COG3: variants seen among roughly 807,000 people sequenced by gnomAD.
COG3 encodes component of oligomeric golgi complex 3.
COG3 carries 32 observed loss-of-function variants against 114.1 expected under a neutral mutation model. The ratio of observed to expected loss-of-function variants is 0.28; its 90% confidence interval spans 0.21 to 0.38. The LOEUF (loss-of-function observed/expected upper bound fraction) is 0.38, where lower values mean the gene tolerates loss of function less well. Ranked by LOEUF, COG3 falls within the 10% of genes least tolerant of loss-of-function variation. The pLI is 1.00. For synonymous variants in COG3, 352 were observed against 365.7 expected, an observed-to-expected ratio of 0.96 and a Z score of 0.43; for missense variants, 813 against 973.2, an observed-to-expected ratio of 0.84 and a Z score of 2.19.
intron 2 of COG3, among the ~76,000 whole-genome samples, 181 bp from the exon 3 acceptor site, chr13:45,478,824 A>G (rs1316741768): frequency 2.6e-5 from 4 of 152,184 alleles, no homozygotes; most frequent in African/African-American, 9.7e-5. Context: ...TGCTTTTCCT[A>G]GCATATGGGT....
In COG3 at chr13:45,535,423, A is replaced by G; in HGVS notation, c.*692A>G. On this transcript the variant is annotated 3_prime_UTR_variant, in exon 23 of 23. Coordinates refer to ENST00000349995, the MANE Select transcript of COG3 (RefSeq NM_031431.4). ...AGCAAGGAGCTGCAGCATTCTCATC[A>G]TAGATACGTGCAGTATCTTTAATGA... 2.0e-6 allele frequency: 2 copies of G among 985,456 alleles called. No individual in the cohort carries two copies. The highest frequency in any genetic ancestry group is 2.3e-4 in the East Asian group (2 of 8,824). The allele number at this position is 985,456 out of a possible 1,614,324, so 61.0% of individuals were successfully genotyped here. A position where few individuals can be genotyped will look rare whatever the true frequency, so the allele number is the denominator to read the frequency against.
intron 12 of COG3, among the ~76,000 whole-genome samples, chr13:45,494,795 G>A (rs932364196): frequency 1.3e-5 from 2 of 152,000 alleles, no homozygotes; most frequent in South Asian, 4.1e-4. Context: ...CAAAGTGCTG[G>A]GATTACAGGT....
chr13:45,521,784 C>A (rs1872171940), intron 19 of COG3, among the ~76,000 whole-genome samples: 1 of 149,684 alleles, frequency 6.7e-6, no homozygotes, highest in Non-Finnish European at 1.5e-5. Flanking sequence ...GAATCTCATG[C>A]CTCTTTTATT....
intron 20 of COG3, among the ~76,000 whole-genome samples, chr13:45,528,761 G>C (rs749874329): frequency 6.6e-6 from 1 of 152,066 alleles, no homozygotes; most frequent in Non-Finnish European, 1.5e-5. Flanking sequence ...TGGATGCATC[G>C]AATACATCAC....
Position 45,534,815 on chromosome 13 carries a change from TC to T in COG3, c.*85del. ...TTGCAGTCTGCAGGACACCGAGGAA[TC>T]GTATGTGGGAACGTCCCCGAGAACC... On this transcript the variant is annotated 3_prime_UTR_variant, in exon 23 of 23. Coordinates refer to ENST00000349995, the MANE Select transcript of COG3 (RefSeq NM_031431.4). The T allele has an allele frequency of 6.8e-7, 1 of 1,470,332 alleles. No homozygotes were observed. The highest frequency in any genetic ancestry group is 9.0e-7 in the Non-Finnish European group (1 of 1,112,876). 91.1% of individuals were successfully genotyped at this position (1,470,332 alleles called of 1,614,324 possible).
chr13:45,486,084 C>A (rs113074877), intron 7 of COG3, among the ~76,000 whole-genome samples: 14 of 124,930 alleles, frequency 1.1e-4, no homozygotes, highest in African/African-American at 5.0e-4. Context: ...CCGAGGTTGG[C>A]GGATCACTCG....
Position 45,535,886 on chromosome 13 carries a change from A to G in COG3, c.*1155A>G, listed in dbSNP as rs183343022. The G allele has an allele frequency of 1.0e-6, 1 of 987,554 alleles. No individual in the cohort carries two copies. The highest frequency in any genetic ancestry group is 1.7e-5 in the African/African-American group (1 of 57,420). 61.2% of individuals were successfully genotyped at this position (987,554 alleles called of 1,614,324 possible). On this transcript the variant is annotated 3_prime_UTR_variant, in exon 23 of 23. Coordinates refer to ENST00000349995, the MANE Select transcript of COG3 (RefSeq NM_031431.4). ...GCAGCCAGCTTCTTAGTTCAAAAAG[A>G]ATTCTGAGTTTTTCAAACACTAGTC...
At chr13:45,474,094 C>A (rs1183257655) in intron 1 of COG3, among the ~76,000 whole-genome samples, 2 of 151,660 alleles carry the variant, frequency 1.3e-5, no homozygotes, top group East Asian at 3.9e-4. Flanking sequence ...ACTTTGTCTG[C>A]AGCTTTCCAG....
At chr13:45,482,233 A>C in intron 5 of COG3, 148 bp from the exon 6 acceptor site, 1 of 515,240 alleles carries the variant, frequency 1.9e-6, no homozygotes, top group Non-Finnish European at 3.4e-6. Context: ...CATGTGGGCT[A>C]CATTCGAGGA....
chr13:45,528,471 C>G (rs1015040847), intron 20 of COG3, among the ~76,000 whole-genome samples: 1 of 152,158 alleles, frequency 6.6e-6, no homozygotes, highest in Non-Finnish European at 1.5e-5. Context: ...TACTACAACC[C>G]TCCTCAATTA....
chr13:45,474,451 CG>C (rs1299766709), intron 1 of COG3, among the ~76,000 whole-genome samples: 1 of 152,052 alleles, frequency 6.6e-6, no homozygotes, highest in African/African-American at 2.4e-5. Flanking sequence ...CGTGAGCCAC[CG>C]TGCCTGGCCT....
intron 20 of COG3, among the ~76,000 whole-genome samples, chr13:45,529,030 T>A (rs1872939246): frequency 6.6e-6 from 1 of 152,232 alleles, no homozygotes; most frequent in Non-Finnish European, 1.5e-5. Flanking sequence ...TGCCTGTTTC[T>A]CCATACCCTC....
intron 13 of COG3, among the ~76,000 whole-genome samples, chr13:45,498,962 C>T (rs1442694292): frequency 6.6e-6 from 1 of 152,106 alleles, no homozygotes; most frequent in African/African-American, 2.4e-5. Flanking sequence ...ACATTCCTTG[C>T]TCCAGACCTA....
intron 16 of COG3, among the ~76,000 whole-genome samples, chr13:45,512,378 C>G (rs1408500270): frequency 1.3e-5 from 2 of 152,136 alleles, no homozygotes; most frequent in Non-Finnish European, 2.9e-5. Flanking sequence ...GTCTCCCTGG[C>G]TGAAGTGCAG....
chr13:45,505,781 A>G (rs1005031329), intron 14 of COG3, among the ~76,000 whole-genome samples: 9 of 151,984 alleles, frequency 5.9e-5, no homozygotes, highest in African/African-American at 1.9e-4. Context: ...TTTAATAGAC[A>G]TGGAGTCTCG....
intron 22 of COG3, among the ~76,000 whole-genome samples, chr13:45,533,716 G>C (rs1169054287): frequency 6.6e-6 from 1 of 152,164 alleles, no homozygotes; most frequent in Non-Finnish European, 1.5e-5. Flanking sequence ...TTGCTGTCAG[G>C]TGTCATGTCT....
chr13:45,505,415 C>T (rs1870025460), intron 14 of COG3, among the ~76,000 whole-genome samples: 2 of 150,830 alleles, frequency 1.3e-5, no homozygotes, highest in South Asian at 2.1e-4. Flanking sequence ...AATTCTCCTG[C>T]CTCAGCCTCC....
At chr13:45,524,869 A>T in intron 19 of COG3, 107 bp from the exon 20 acceptor site, 1 of 669,332 alleles carries the variant, frequency 1.5e-6, no homozygotes, top group Non-Finnish European at 2.5e-6. Flanking sequence ...TAATAGGTTT[A>T]AATGGTGTTG....
intron 12 of COG3, 108 bp from the exon 13 acceptor site, chr13:45,496,044 G>T: frequency 2.9e-6 from 3 of 1,024,448 alleles, no homozygotes; most frequent in Non-Finnish European, 4.2e-6. Context: ...AGCCTCTGAA[G>T]CAAAAGTGGT....
Sources: allele counts gnomAD v4.1 joint callset (sites outside exome capture counted in the v4.1 genomes callset), GRCh38; gene constraint gnomAD v4.1.1; transcripts MANE v1.5; gene names NCBI Gene and HGNC (gene_info 2026-07-23, HGNC 2026-07-21).